Variants in ELAPOR2 observed in about 807,000 individuals in gnomAD.
The protein encoded by ELAPOR2 is endosome-lysosome associated apoptosis and autophagy regulator family member 2.
In ELAPOR2, 89 loss-of-function variants were observed where a neutral mutation model predicts 120.7. The observed-to-expected ratio is 0.74, with a 90% CI of 0.62 to 0.88. The LOEUF is 0.88. Among genes scored for constraint, ELAPOR2 ranks in the 40% least tolerant of loss-of-function variants. The pLI, the probability that ELAPOR2 is intolerant of heterozygous loss-of-function variation, is 0.00. For synonymous variants in ELAPOR2, 444 were observed against 444.9 expected, an observed-to-expected ratio of 1.00 and a Z score of 0.03; for missense variants, 1,134 against 1,251.6, an observed-to-expected ratio of 0.91 and a Z score of 1.42.
chr7:86,941,960 G>A (rs1030272760), intron 5 of ELAPOR2, 58 bp downstream of exon 5: 10 of 985,602 alleles, frequency 1.0e-5, no homozygotes, highest in African/African-American at 8.1e-5. Flanking sequence ...AGAAAAGGTT[G>A]GGGAAAAAAA....
At chr7:86,938,245 G>A in intron 7 of ELAPOR2, 31 bp from the exon 8 acceptor site, 2 of 1,494,892 alleles carry the variant, frequency 1.3e-6, no homozygotes, top group South Asian at 2.5e-5. Flanking sequence ...TTCAGAAATG[G>A]GTCAATTATT....
chr7:86,959,176 G>T (rs1410680489), intron 2 of ELAPOR2, among the ~76,000 whole-genome samples: 1 of 152,196 alleles, frequency 6.6e-6, no homozygotes, highest in Non-Finnish European at 1.5e-5. Context: ...GTATCTTACA[G>T]CTTTGCTGAC....
At chr7:86,946,638 C>T (rs966047022) in intron 3 of ELAPOR2, among the ~76,000 whole-genome samples, 11 of 152,298 alleles carry the variant, frequency 7.2e-5, no homozygotes, top group Non-Finnish European at 1.5e-4. Flanking sequence ...CCGCCTGCCT[C>T]GACCTCCCAA....
chr7:86,955,067 C>A (rs1193350400), intron 2 of ELAPOR2, among the ~76,000 whole-genome samples: 1 of 152,040 alleles, frequency 6.6e-6, no homozygotes, highest in East Asian at 1.9e-4. Context: ...TATTATCATT[C>A]TTTTCACACA....
At chr7:86,911,996 G>A in intron 15 of ELAPOR2, 76 bp downstream of exon 15, 1 of 1,377,438 alleles carries the variant, frequency 7.3e-7, no homozygotes, top group Non-Finnish European at 1.0e-6. Context: ...GAATTTATTG[G>A]TCCATTAACA....
At chr7:86,892,846 A>T (rs764689959) in intron 20 of ELAPOR2, 76 bp downstream of exon 20, 1 of 1,283,386 alleles carries the variant, frequency 7.8e-7, no homozygotes, top group East Asian at 2.8e-5. Flanking sequence ...TTTATTGGAT[A>T]TAATGATCAA....
chr7:86,998,066 A>G (rs866661287), intron 1 of ELAPOR2, among the ~76,000 whole-genome samples: 1 of 152,148 alleles, frequency 6.6e-6, no homozygotes, highest in South Asian at 2.1e-4. Context: ...TAGAAAATGC[A>G]TGTACATATT....
At chr7:87,039,621 T>C (rs1794697112) in intron 1 of ELAPOR2, among the ~76,000 whole-genome samples, 1 of 152,190 alleles carries the variant, frequency 6.6e-6, no homozygotes. Flanking sequence ...TAAATCAATG[T>C]GATACATTGG....
chr7:86,989,558 C>CT (rs1466152233), intron 1 of ELAPOR2, among the ~76,000 whole-genome samples: 1 of 152,208 alleles, frequency 6.6e-6, no homozygotes, highest in Non-Finnish European at 1.5e-5. Flanking sequence ...CTTACTACCA[C>CT]TTATGCAGAG....
At chr7:86,975,747 ACT>A (rs1296547446) in intron 1 of ELAPOR2, among the ~76,000 whole-genome samples, 1 of 152,166 alleles carries the variant, frequency 6.6e-6, no homozygotes, top group East Asian at 1.9e-4. Flanking sequence ...TCTTTTTCCC[ACT>A]CTGCCCAAAA....
At chr7:86,976,885 A>C (rs1792300219) in intron 1 of ELAPOR2, among the ~76,000 whole-genome samples, 1 of 152,212 alleles carries the variant, frequency 6.6e-6, no homozygotes, top group African/African-American at 2.4e-5. Context: ...AAAAAATGTA[A>C]AGCATCTATT....
intron 1 of ELAPOR2, among the ~76,000 whole-genome samples, chr7:87,009,623 C>T (rs959968859): frequency 2.0e-5 from 3 of 152,032 alleles, no homozygotes; most frequent in East Asian, 3.9e-4. Context: ...AAGAGGCTAA[C>T]CCAACAGTAC....
intron 1 of ELAPOR2, among the ~76,000 whole-genome samples, chr7:87,022,403 C>T (rs1378535147): frequency 2.0e-5 from 3 of 152,042 alleles, no homozygotes; most frequent in Non-Finnish European, 4.4e-5. Flanking sequence ...CTACAAAGGA[C>T]ATGAACTCAT....
At chr7:87,003,395 G>T (rs1793378731) in intron 1 of ELAPOR2, among the ~76,000 whole-genome samples, 4 of 152,058 alleles carry the variant, frequency 2.6e-5, no homozygotes, top group Admixed American at 2.6e-4. Context: ...GGAGGGTACT[G>T]GTAGGAGGTG....
intron 21 of ELAPOR2, among the ~76,000 whole-genome samples, chr7:86,881,808 T>C (rs1353444683): frequency 6.6e-6 from 1 of 152,184 alleles, no homozygotes; most frequent in African/African-American, 2.4e-5. Context: ...AAGAGAACTA[T>C]GACTATTTTT....
rs760839136 is a variant in ELAPOR2, at chr7:86,926,877, G to A, written c.1129C>T (p.Arg377Trp). 28 of 1,589,244 alleles carry A rather than the reference G, an allele frequency of 1.8e-5. No homozygotes were observed. Among genetic ancestry groups the A allele is most frequent in the African/African-American group, 2.8e-5 (2 of 70,758 alleles). Residue 377 changes from arginine (R) to tryptophan (W), a missense_variant, in exon 9 of 22, where the codon CGG becomes TGG. Transcript: ENST00000450689. ...MYKWIEPKIC[R>W]EDLTDAIRLP... ...CTAATAGCATCTGTGAGATCCTCCC[G>A]GCAGATTTTGGGCTCTATCCACTTG...
intron 19 of ELAPOR2, among the ~76,000 whole-genome samples, chr7:86,893,642 G>A (rs1417786126): frequency 6.6e-6 from 1 of 152,014 alleles, no homozygotes; most frequent in Non-Finnish European, 1.5e-5. Context: ...ACTGGTGTAA[G>A]TGGGCACACA....
At chr7:86,912,896 T>G in intron 14 of ELAPOR2, 45 bp downstream of exon 14, 1 of 1,598,224 alleles carries the variant, frequency 6.3e-7, no homozygotes, top group Non-Finnish European at 8.6e-7. Flanking sequence ...ATTTCTCTAT[T>G]AAAATGTGCT....
intron 18 of ELAPOR2, among the ~76,000 whole-genome samples, chr7:86,903,392 C>CT (rs1440021317): frequency 6.6e-6 from 1 of 151,950 alleles, no homozygotes; most frequent in African/African-American, 2.4e-5. Context: ...GTTAAATTGC[C>CT]TTTTTAATTT....
Sources: allele counts gnomAD v4.1 joint callset (sites outside exome capture counted in the v4.1 genomes callset), GRCh38; gene constraint gnomAD v4.1.1; transcripts MANE v1.5; gene names NCBI Gene and HGNC (gene_info 2026-07-23, HGNC 2026-07-21).